The following ADNP variants were observed in gnomAD, a reference collection of about 807,000 sequenced individuals.
ADNP encodes activity dependent neuroprotector homeobox.
ADNP carries 4 observed loss-of-function variants against 84.9 expected under a neutral mutation model. That is an observed-to-expected ratio of 0.05 (90% confidence interval 0.02 to 0.11). ADNP has a LOEUF of 0.11. Ranked by LOEUF, ADNP falls within the 10% of genes least tolerant of loss-of-function variation. ADNP has a pLI of 1.00. For synonymous variants in ADNP, 554 were observed against 468.1 expected (o/e 1.18, Z -2.37); for missense variants, 1,132 against 1,326.0 (o/e 0.85, Z 2.27).
chr20:50,892,341 G>A lies in ADNP; in HGVS notation c.2373C>T (p.Ala791=), dbSNP rs779426648. The change falls in exon 6 of 6, where the codon GCC becomes GCT. Residue 791 remains alanine (A), a synonymous_variant. Transcript: ENST00000621696. ...TGTCACTCTTCCATAACCATAAACT[G>A]GCTGCTAGCTTCTCAATTTCTCTCC... The part of the protein sequence containing the change: ...PTRREIEKLA[A]SLWLWKSDIA... 4 of 1,613,962 alleles carry A rather than the reference G, an allele frequency of 2.5e-6. No homozygotes were observed. The highest frequency in any genetic ancestry group is 3.4e-6 in the Non-Finnish European group (4 of 1,180,038).
intron 1 of ADNP, among the ~76,000 whole-genome samples, chr20:50,929,813 A>C (rs1225352860): frequency 6.6e-6 from 1 of 152,162 alleles, no homozygotes; most frequent in African/African-American, 2.4e-5. Flanking sequence ...TTAACATGAC[A>C]AACACAGAAA....
At chr20:50,926,759 T>C (rs551214922) in intron 2 of ADNP, among the ~76,000 whole-genome samples, 4 of 152,200 alleles carry the variant, frequency 2.6e-5, no homozygotes, top group Non-Finnish European at 5.9e-5. Flanking sequence ...TTATGCAGTT[T>C]TGTTACTTAT....
chr20:50,901,442 G>A (rs1004000087), intron 5 of ADNP, among the ~76,000 whole-genome samples: 3 of 151,612 alleles, frequency 2.0e-5, no homozygotes, highest in Non-Finnish European at 4.4e-5. Flanking sequence ...AATAGGTAAT[G>A]GTAAAAATTA....
At chr20:50,921,722 C>T (rs934540835) in intron 2 of ADNP, among the ~76,000 whole-genome samples, 2 of 152,210 alleles carry the variant, frequency 1.3e-5, no homozygotes, top group Non-Finnish European at 2.9e-5. Flanking sequence ...GAAGATGATG[C>T]CTGAGGGACA....
chr20:50,915,842 C>T (rs1983468777), intron 2 of ADNP, among the ~76,000 whole-genome samples: 1 of 152,152 alleles, frequency 6.6e-6, no homozygotes, highest in African/African-American at 2.4e-5. Flanking sequence ...AACTACTTTG[C>T]AAATGATGAC....
chr20:50,899,198 T>TG (rs1491299090), intron 5 of ADNP, among the ~76,000 whole-genome samples: 24 of 79,178 alleles, frequency 3.0e-4, no homozygotes, highest in African/African-American at 1.0e-3. Flanking sequence ...GGTAATGAGG[T>TG]TTTTTTTTTT....
chr20:50,904,091 C>T (rs571885769), intron 3 of ADNP, 90 bp from the exon 4 acceptor site: 2 of 969,662 alleles, frequency 2.1e-6, no homozygotes, highest in African/African-American at 3.3e-5. Flanking sequence ...ATAAAACCTA[C>T]CCATCTGACA....
chr20:50,922,223 G>A (rs1399520198), intron 2 of ADNP, among the ~76,000 whole-genome samples: 1 of 152,112 alleles, frequency 6.6e-6, no homozygotes. Context: ...CACCAGCTGA[G>A]TATCCTCTAA....
At chr20:50,902,357 C>T (rs1400092112) in intron 4 of ADNP, among the ~76,000 whole-genome samples, 1 of 152,100 alleles carries the variant, frequency 6.6e-6, no homozygotes, top group East Asian at 1.9e-4. Flanking sequence ...GCTGGAAGTT[C>T]TAATTAAGTA....
intron 4 of ADNP, among the ~76,000 whole-genome samples, chr20:50,902,762 A>C (rs922424509): frequency 6.6e-6 from 1 of 152,216 alleles, no homozygotes; most frequent in African/African-American, 2.4e-5. Context: ...CACATAAATA[A>C]TCATAGGAGG....
At chr20:50,922,874 G>A (rs1403804475) in intron 2 of ADNP, among the ~76,000 whole-genome samples, 2 of 151,924 alleles carry the variant, frequency 1.3e-5, no homozygotes, top group Admixed American at 6.6e-5. Flanking sequence ...GAGCCACCGC[G>A]CCTGGCCCTC....
chr20:50,891,062 A>C lies in ADNP; in HGVS notation c.*343T>G. On this transcript the variant is annotated 3_prime_UTR_variant, in exon 6 of 6. Coordinates refer to ENST00000621696, the MANE Select transcript of ADNP (RefSeq NM_001282531.3). ...TTGGCCCTACACTACCATGTGAATT[A>C]GTTTAACACTTCTCAAAGACATCTG... 9.2e-7 allele frequency: 1 copy of C among 1,082,998 alleles called. No homozygotes were observed. The highest frequency in any genetic ancestry group is 3.8e-5 in the South Asian group (1 of 26,248). The allele number at this position is 1,082,998 out of a possible 1,614,324, so 67.1% of individuals were successfully genotyped here. A position where few individuals can be genotyped will look rare whatever the true frequency, so the allele number is the denominator to read the frequency against.
intron 5 of ADNP, 48 bp from the exon 6 acceptor site, chr20:50,894,560 A>C: frequency 1.3e-6 from 2 of 1,530,200 alleles, no homozygotes; most frequent in Non-Finnish European, 1.8e-6. Flanking sequence ...TCAGATAGGC[A>C]GTTAACAGAT....
intron 1 of ADNP, among the ~76,000 whole-genome samples, chr20:50,930,435 G>A (rs1314193105): frequency 6.8e-6 from 1 of 147,780 alleles, no homozygotes; most frequent in African/African-American, 2.5e-5. Context: ...GTGTGCGTGG[G>A]GGGGCTCCTT....
At chr20:50,921,117 A>G (rs1983930662) in intron 2 of ADNP, among the ~76,000 whole-genome samples, 1 of 152,216 alleles carries the variant, frequency 6.6e-6, no homozygotes, top group Non-Finnish European at 1.5e-5. Context: ...TTAATGCTTA[A>G]GTCAGTTACC....
chr20:50,892,566 C>G lies in ADNP; in HGVS notation c.2148G>C (p.Lys716Asn). The G allele has an allele frequency of 6.2e-7, 1 of 1,614,214 alleles. No homozygotes were observed. The change falls in exon 6 of 6, where the codon AAG becomes AAC. Residue 716 changes from lysine to asparagine, a missense_variant. Lys to Asn is a moderately conservative substitution (Grantham distance 94). Transcript: ENST00000621696. The part of the protein sequence containing the change: ...LNQSPSLAPV[K>N]RTYEQMEFPL... ...GAAATTCCATTTGCTCGTAAGTGCGCTTCACAGGTGCCAGACTTGGAGACT... is the reference window on the plus strand; with the variant it reads ...GAAATTCCATTTGCTCGTAAGTGCGGTTCACAGGTGCCAGACTTGGAGACT...
chr20:50,914,343 C>T (rs1568735870), intron 2 of ADNP: 1 of 657,144 alleles, frequency 1.5e-6, no homozygotes, highest in Non-Finnish European at 2.8e-6. Context: ...AAAAGAAACC[C>T]CACAAGTGGC....
At chr20:50,907,753 T>TTGTG (rs3069795) in intron 2 of ADNP, among the ~76,000 whole-genome samples, 1 of 150,528 alleles carries the variant, frequency 6.6e-6, no homozygotes, top group South Asian at 2.1e-4. Flanking sequence ...TGGCTATATT[T>TTGTG]TGTGTGTGTG....
chr20:50,904,179 A>C, intron 3 of ADNP, 178 bp from the exon 4 acceptor site: 1 of 586,296 alleles, frequency 1.7e-6, no homozygotes, highest in South Asian at 2.0e-5. Flanking sequence ...ATGGCTTGAT[A>C]TATCCATCCA....
Sources: gnomAD v4.1 joint callset for allele counts (sites outside exome capture counted in the v4.1 genomes callset) on GRCh38, gnomAD v4.1.1 for gene constraint, MANE v1.5 for transcripts, NCBI Gene and HGNC (gene_info 2026-07-23, HGNC 2026-07-21) for gene names.